The following GNB4 variants were observed in gnomAD, a reference collection of about 807,000 sequenced individuals.
The protein encoded by GNB4 is guanine nucleotide-binding protein subunit beta-4.
Under a neutral mutation model 45.2 loss-of-function variants are expected in GNB4, and 28 were observed. The ratio of observed to expected loss-of-function variants is 0.62; its 90% CI spans 0.46 to 0.85. GNB4 has a LOEUF of 0.85. GNB4 is among the 40% of genes least tolerant of loss of function. The probability of loss-of-function intolerance (pLI) is 0.00; values close to 1 mark genes in which losing one functional copy is unlikely to be tolerated. For synonymous variants in GNB4, 132 were observed against 143.7 expected (o/e 0.92, Z 0.58); for missense variants, 321 against 425.4 (o/e 0.75, Z 2.16).
Position 179,397,788 on chromosome 3 carries a change from G to C in GNB4, c.*3425C>G, listed in dbSNP as rs1443570836. 2 of 152,622 alleles carry C rather than the reference G, an allele frequency of 1.3e-5. No individual in the cohort carries two copies. Among genetic ancestry groups the C allele is most frequent in the African/African-American group, 4.8e-5 (2 of 41,412 alleles). The allele number at this position is 152,622 out of a possible 1,614,324, so 9.5% of individuals were successfully genotyped here. On this transcript the variant is annotated 3_prime_UTR_variant, in exon 10 of 10. Coordinates refer to ENST00000232564, the MANE Select transcript of GNB4 (RefSeq NM_021629.4). Reference sequence around the variant, plus strand: ...ATCTTGCTCTGTCGCTCGGGTTGGAGTGCAGTGGCGCCATCTCAGCTCACC... The same window carrying C: ...ATCTTGCTCTGTCGCTCGGGTTGGACTGCAGTGGCGCCATCTCAGCTCACC...
At chr3:179,508,553 G>T in the GNB4 span, among the ~76,000 whole-genome samples, 1 of 152,094 alleles carries the variant, frequency 6.6e-6, no homozygotes, top group Non-Finnish European at 1.5e-5. Flanking sequence ...ATTCTTCTGC[G>T]AGTATACTTT....
intron 2 of GNB4, among the ~76,000 whole-genome samples, chr3:179,424,201 C>A (rs922902679): frequency 1.3e-5 from 2 of 152,216 alleles, no homozygotes; most frequent in African/African-American, 4.8e-5. Flanking sequence ...GTAACACCAT[C>A]GACTTCACAG....
chr3:179,473,120 G>A, the GNB4 span, among the ~76,000 whole-genome samples: 3 of 152,080 alleles, frequency 2.0e-5, no homozygotes, highest in Non-Finnish European at 4.4e-5. Context: ...CCGAGATCCT[G>A]CCACTGCACT....
At chr3:179,418,779 A>G (rs1005422136) in intron 4 of GNB4, among the ~76,000 whole-genome samples, 1 of 152,256 alleles carries the variant, frequency 6.6e-6, no homozygotes, top group Non-Finnish European at 1.5e-5. Context: ...CACATCTGCT[A>G]TTGCCAGACA....
intron 1 of GNB4, among the ~76,000 whole-genome samples, chr3:179,446,975 C>T (rs1715748795): frequency 6.6e-6 from 1 of 152,086 alleles, no homozygotes; most frequent in African/African-American, 2.4e-5. Context: ...TTCCTATTGC[C>T]ACAGTGCTTT....
chr3:179,416,981 G>A (rs1221334486), intron 4 of GNB4, among the ~76,000 whole-genome samples: 1 of 152,122 alleles, frequency 6.6e-6, no homozygotes, highest in African/African-American at 2.4e-5. Context: ...GTACAACGCA[G>A]GATACATCGC....
chr3:179,411,466 C>CA (rs755966921), intron 8 of GNB4, among the ~76,000 whole-genome samples: 4,091 of 125,164 alleles, frequency 0.033, 143 homozygotes, highest in East Asian at 0.1. Context: ...AATGTTTTGA[C>CA]AAAAAAAAAA....
chr3:179,464,283 A>C, the GNB4 span: 2 of 528,982 alleles, frequency 3.8e-6, no homozygotes, highest in East Asian at 3.5e-5. Flanking sequence ...ACATAGAGAG[A>C]CTCCATCTCT....
chr3:179,403,986 G>GA (rs1714388026), intron 9 of GNB4, among the ~76,000 whole-genome samples: 1 of 151,760 alleles, frequency 6.6e-6, no homozygotes, highest in African/African-American at 2.4e-5. Context: ...GTTCTATAGG[G>GA]TAATGAGTTT....
intron 2 of GNB4, among the ~76,000 whole-genome samples, chr3:179,424,573 T>C (rs1285881059): frequency 6.6e-6 from 1 of 152,206 alleles, no homozygotes; most frequent in African/African-American, 2.4e-5. Context: ...CTGTTTTTAC[T>C]AATCTTTTCT....
At chr3:179,402,422 G>A (rs1453630686) in intron 9 of GNB4, among the ~76,000 whole-genome samples, 1 of 152,178 alleles carries the variant, frequency 6.6e-6, no homozygotes, top group African/African-American at 2.4e-5. Flanking sequence ...TTGGCCTTAA[G>A]CAACGGAATA....
the GNB4 span, among the ~76,000 whole-genome samples, chr3:179,474,039 A>ACC: frequency 6.6e-6 from 1 of 152,028 alleles, no homozygotes; most frequent in African/African-American, 2.4e-5. Flanking sequence ...AAAAGTAATA[A>ACC]TTGGCCAGTC....
intron 1 of GNB4, among the ~76,000 whole-genome samples, chr3:179,443,600 T>C (rs994269991): frequency 6.6e-6 from 1 of 152,172 alleles, no homozygotes; most frequent in South Asian, 2.1e-4. Flanking sequence ...ATCCAGTGTC[T>C]TTCACTGTAG....
At chr3:179,473,564 G>A in the GNB4 span, among the ~76,000 whole-genome samples, 223 of 152,124 alleles carry the variant, frequency 1.5e-3, no homozygotes, top group African/African-American at 5.0e-3. Context: ...GCCTCCCAAA[G>A]TGCTGGGATT....
chr3:179,410,755 A>G (rs553286785), intron 8 of GNB4, among the ~76,000 whole-genome samples: 2 of 152,316 alleles, frequency 1.3e-5, no homozygotes, highest in Admixed American at 1.3e-4. Context: ...GATGGGCACA[A>G]TTCAACCCAC....
chr3:179,524,368 A>T, the GNB4 span, among the ~76,000 whole-genome samples: 1 of 152,262 alleles, frequency 6.6e-6, no homozygotes, highest in Non-Finnish European at 1.5e-5. Context: ...TCCTTGGCCC[A>T]GTGGCCAGAT....
chr3:179,468,503 AAAAAAAAC>A, the GNB4 span, among the ~76,000 whole-genome samples: 753 of 152,152 alleles, frequency 4.9e-3, 9 homozygotes, highest in Middle Eastern at 0.01. Flanking sequence ...CTCAAGAAAA[AAAAAAAAC>A]AAAAAACAAA....
At chr3:179,464,986 C>T in the GNB4 span, 1 of 1,538,640 alleles carries the variant, frequency 6.5e-7, no homozygotes, top group East Asian at 2.3e-5. Context: ...TGTTACTGCA[C>T]ACAGATGGGG....
the GNB4 span, among the ~76,000 whole-genome samples, chr3:179,526,415 A>G: frequency 1.0e-3 from 152 of 152,300 alleles, 1 homozygote; most frequent in African/African-American, 3.4e-3. Flanking sequence ...CAGAACTGGG[A>G]TTGTTGCCTT....
Sources: gnomAD v4.1 joint callset for allele counts (sites outside exome capture counted in the v4.1 genomes callset) on GRCh38, gnomAD v4.1.1 for gene constraint, MANE v1.5 for transcripts, NCBI Gene and HGNC (gene_info 2026-07-23, HGNC 2026-07-21) for gene names.